ADGRG7: variants seen among roughly 807,000 people sequenced by gnomAD.
ADGRG7 encodes the protein G-protein coupled receptor 128.
ADGRG7 carries 82 observed loss-of-function variants against 88.6 expected under a neutral mutation model. The observed-to-expected ratio is 0.93, with a 90% CI of 0.77 to 1.11. The LOEUF (loss-of-function observed/expected upper bound fraction) is 1.11, where lower values mean the gene tolerates loss of function less well. Ranked by LOEUF, ADGRG7 falls within the 50% of genes most tolerant of loss-of-function variation. ADGRG7 has a pLI of 0.00. For synonymous variants in ADGRG7, 381 were observed against 345.2 expected (o/e 1.10, Z -1.15); for missense variants, 945 against 953.4 (o/e 0.99, Z 0.12).
At chr3:100,669,442 G>A (rs1174802583) in intron 15 of ADGRG7, among the ~76,000 whole-genome samples, 1 of 149,908 alleles carries the variant, frequency 6.7e-6, no homozygotes, top group African/African-American at 2.5e-5. Flanking sequence ...GCTGAGGCAC[G>A]AGAATGGCTT....
At chr3:100,680,642 G>GA (rs1328219162) in intron 15 of ADGRG7, among the ~76,000 whole-genome samples, 1 of 151,968 alleles carries the variant, frequency 6.6e-6, no homozygotes, top group Non-Finnish European at 1.5e-5. Context: ...TCAATTTAGG[G>GA]ATACATTAAA....
chr3:100,694,418 C>T (rs2094998760), intron 15 of ADGRG7, among the ~76,000 whole-genome samples: 1 of 152,136 alleles, frequency 6.6e-6, no homozygotes, highest in African/African-American at 2.4e-5. Flanking sequence ...TTAGGTATTT[C>T]ATAGTTAATC....
At chr3:100,686,970 C>T (rs1227373501) in intron 15 of ADGRG7, among the ~76,000 whole-genome samples, 1 of 152,146 alleles carries the variant, frequency 6.6e-6, no homozygotes, top group African/African-American at 2.4e-5. Flanking sequence ...TTACCTTGGG[C>T]AGTATGGCCA....
intron 15 of ADGRG7, among the ~76,000 whole-genome samples, chr3:100,681,774 A>T (rs2094973789): frequency 1.3e-5 from 2 of 152,210 alleles, no homozygotes; most frequent in African/African-American, 4.8e-5. Flanking sequence ...GGCAGAATTC[A>T]TTAAACTTCA....
chr3:100,637,224 A>G (rs1707559327), intron 5 of ADGRG7, 78 bp from the exon 6 acceptor site: 3 of 967,636 alleles, frequency 3.1e-6, no homozygotes, highest in South Asian at 1.4e-5. Flanking sequence ...TGCTACTACA[A>G]TGATTCATGA....
intron 4 of ADGRG7, 99 bp from the exon 5 acceptor site, chr3:100,635,578 A>C (rs947361503): frequency 1.3e-6 from 2 of 1,529,292 alleles, no homozygotes; most frequent in African/African-American, 2.8e-5. Flanking sequence ...CAGGAGATTG[A>C]GGCTCAGCTA....
intron 1 of ADGRG7, among the ~76,000 whole-genome samples, chr3:100,614,669 A>G (rs984477867): frequency 3.3e-5 from 5 of 152,222 alleles, no homozygotes; most frequent in Non-Finnish European, 7.3e-5. Context: ...ACTAGAAAGG[A>G]TCTGCAGATG....
intron 15 of ADGRG7, among the ~76,000 whole-genome samples, chr3:100,690,444 C>G (rs1164359275): frequency 1.3e-5 from 2 of 152,198 alleles, no homozygotes; most frequent in Non-Finnish European, 2.9e-5. Flanking sequence ...GAGAGGCGCT[C>G]TGATCTTTAG....
intron 3 of ADGRG7, among the ~76,000 whole-genome samples, chr3:100,632,083 G>T (rs1245187440): frequency 6.6e-6 from 1 of 151,966 alleles, no homozygotes; most frequent in East Asian, 1.9e-4. Flanking sequence ...TGTTTTGTGT[G>T]TCCTAAATAT....
intron 15 of ADGRG7, among the ~76,000 whole-genome samples, chr3:100,681,173 G>A (rs957158455): frequency 2.6e-5 from 4 of 151,248 alleles, no homozygotes; most frequent in Admixed American, 2.6e-4. Flanking sequence ...AACCAAAATG[G>A]TGGATAAAAA....
At chr3:100,690,317 G>T (rs1224664483) in intron 15 of ADGRG7, among the ~76,000 whole-genome samples, 1 of 151,486 alleles carries the variant, frequency 6.6e-6, no homozygotes, top group Admixed American at 6.6e-5. Context: ...CCATGGGTTC[G>T]AACTTCCTCC....
At chr3:100,660,910 C>A (rs1477248493) in intron 14 of ADGRG7, among the ~76,000 whole-genome samples, 3 of 151,098 alleles carry the variant, frequency 2.0e-5, no homozygotes, top group African/African-American at 7.3e-5. Flanking sequence ...TGAGATTGCA[C>A]CATTGCACTC....
At chr3:100,691,233 A>G (rs555523164) in intron 15 of ADGRG7, among the ~76,000 whole-genome samples, 1 of 152,296 alleles carries the variant, frequency 6.6e-6, no homozygotes, top group African/African-American at 2.4e-5. Flanking sequence ...TTAGGGTGGG[A>G]GTGACCCGAT....
rs1707481441 is a variant in ADGRG7, at chr3:100,633,285, CG to C, written c.357del (p.Leu120CysfsTer10). 1 of 1,489,852 alleles carries C rather than the reference CG, an allele frequency of 6.7e-7. No individual in the cohort carries two copies. Among genetic ancestry groups the C allele is most frequent in the Non-Finnish European group, 9.0e-7 (1 of 1,117,016 alleles). 92.3% of individuals were successfully genotyped at this position (1,489,852 alleles called of 1,614,324 possible). A position where few individuals can be genotyped will look rare whatever the true frequency, so the allele number is the denominator to read the frequency against. Reference sequence around the variant, plus strand: ...TAAAGCGGGCAATCCAATGGCAGTCCGGTTGTGCAGTCTCTCTCTATATGGA... The same window carrying C: ...TAAAGCGGGCAATCCAATGGCAGTCCGTTGTGCAGTCTCTCTCTATATGGA... Reference protein sequence around the residue: ...TPNAGNPMAVRLCSLSLYGEI... With the variant: ...TPNAGNPMAVXLCSLSLYGEI... On this transcript the variant is annotated frameshift_variant, in exon 4 of 16. Coordinates refer to ENST00000273352, the MANE Select transcript of ADGRG7 (RefSeq NM_032787.3). LOFTEE classifies it high-confidence loss of function.
chr3:100,691,588 G>C (rs1212701431), intron 15 of ADGRG7, among the ~76,000 whole-genome samples: 1 of 151,674 alleles, frequency 6.6e-6, no homozygotes, highest in African/African-American at 2.4e-5. Flanking sequence ...GTTGCAAATA[G>C]TATGGAGAAT....
In ADGRG7 at chr3:100,630,835, C is replaced by T. The variant is rs570007876; in HGVS notation, c.334+26C>T. 5 of 1,255,892 alleles carry T rather than the reference C, an allele frequency of 4.0e-6. No homozygotes were observed. The South Asian group carries it at 8.3e-5, about 21-fold the overall frequency. The allele number at this position is 1,255,892 out of a possible 1,614,324, so 77.8% of individuals were successfully genotyped here. ...GTATGTGTTTTCCCAAACATTTACT[C>T]TATGCATAAGAATTACTATGCTGAG... On this transcript the variant is annotated intron_variant, in intron 3 of 15. Coordinates refer to ENST00000273352, the MANE Select transcript of ADGRG7 (RefSeq NM_032787.3).
At chr3:100,654,375 A>C (rs931369203) in intron 11 of ADGRG7, 2 of 152,874 alleles carry the variant, frequency 1.3e-5, no homozygotes, top group Admixed American at 6.5e-5. Context: ...TTCTGAGTCT[A>C]AAAGAAGTTA....
At chr3:100,687,338 T>G (rs926610235) in intron 15 of ADGRG7, among the ~76,000 whole-genome samples, 4 of 152,170 alleles carry the variant, frequency 2.6e-5, no homozygotes, top group Non-Finnish European at 5.9e-5. Flanking sequence ...ACAATTTGAC[T>G]TCCTCTTTTC....
At chr3:100,676,052 A>T (rs114702921) in intron 15 of ADGRG7, among the ~76,000 whole-genome samples, 1,843 of 152,110 alleles carry the variant, frequency 0.012, 38 homozygotes, top group African/African-American at 0.043. Context: ...CTTTAAAAAT[A>T]ACCTTTTGTT....
Sources: allele counts gnomAD v4.1 joint callset (sites outside exome capture counted in the v4.1 genomes callset), GRCh38; gene constraint gnomAD v4.1.1; transcripts MANE v1.5; gene names NCBI Gene and HGNC (gene_info 2026-07-23, HGNC 2026-07-21).